The following BCL2L11 variants were observed in gnomAD, a reference collection of about 807,000 sequenced individuals.
The protein encoded by BCL2L11 is bcl-2-like protein 11.
BCL2L11 carries 15 observed loss-of-function variants against 20.6 expected under a neutral mutation model. The observed-to-expected ratio is 0.73, with a 90% CI of 0.49 to 1.12. BCL2L11 has a LOEUF of 1.12. BCL2L11 is among the 50% of genes most tolerant of loss of function. The pLI is 0.00. For synonymous variants in BCL2L11, 108 were observed against 92.8 expected (o/e 1.16, Z -0.94); for missense variants, 292 against 260.9 (o/e 1.12, Z -0.82).
At chr2:111,126,217 A>T (rs1412867952) in intron 2 of BCL2L11, among the ~76,000 whole-genome samples, 1 of 152,158 alleles carries the variant, frequency 6.6e-6, no homozygotes, top group Non-Finnish European at 1.5e-5. Flanking sequence ...ACAGGCACAA[A>T]TGCTTTTTTT....
chr2:111,132,632 A>G (rs987079132), intron 2 of BCL2L11, among the ~76,000 whole-genome samples: 21 of 152,226 alleles, frequency 1.4e-4, no homozygotes, highest in Admixed American at 1.4e-3. Flanking sequence ...GAATTTTTTC[A>G]TAAGGAATCT....
At chr2:111,128,699 GCCA>G in intron 2 of BCL2L11, 1 of 1,549,684 alleles carries the variant, frequency 6.5e-7, no homozygotes, top group Non-Finnish European at 8.7e-7. Flanking sequence ...GATTTGTATG[GCCA>G]CCACCATAGT....
At chr2:111,145,938 T>TTTTG in intron 2 of BCL2L11, 1 of 918,922 alleles carries the variant, frequency 1.1e-6, no homozygotes, top group Non-Finnish European at 1.3e-6. Flanking sequence ...TTTTTTTTTT[T>TTTTG]TTGTAACAAG....
At chr2:111,149,978 C>T (rs955920784) in intron 2 of BCL2L11, 66 bp from the exon 3 acceptor site, 12 of 1,439,494 alleles carry the variant, frequency 8.3e-6, no homozygotes, top group South Asian at 3.7e-5. Context: ...AGAGACTTAT[C>T]TTTGGAACTT....
chr2:111,129,544 G>C (rs966785550), intron 2 of BCL2L11, among the ~76,000 whole-genome samples: 1 of 152,148 alleles, frequency 6.6e-6, no homozygotes, highest in African/African-American at 2.4e-5. Context: ...GTAACATCTT[G>C]CCTAATTATA....
At chr2:111,146,576 C>T (rs1372125944) in intron 2 of BCL2L11, among the ~76,000 whole-genome samples, 1 of 152,158 alleles carries the variant, frequency 6.6e-6, no homozygotes, top group African/African-American at 2.4e-5. Context: ...GCAAAGCAAA[C>T]TGATGCTAAA....
intron 3 of BCL2L11, chr2:111,152,021 C>G (rs557165998): frequency 2.5e-6 from 2 of 796,184 alleles, no homozygotes; most frequent in African/African-American, 1.7e-5. Context: ...GTGGCTGTCT[C>G]TATTGACTAG....
At chr2:111,134,441 CT>C (rs1176285101) in intron 2 of BCL2L11, among the ~76,000 whole-genome samples, 1 of 152,104 alleles carries the variant, frequency 6.6e-6, no homozygotes, top group African/African-American at 2.4e-5. Context: ...AGAAACCTTA[CT>C]TTTCTTTAGG....
In BCL2L11 at chr2:111,130,996, G is replaced by T. The variant is rs1574957649; in HGVS notation, c.394+6857G>T. Among the ~76,000 whole-genome samples, 4 of 152,092 alleles carry T rather than the reference G, an allele frequency of 2.6e-5. No homozygotes were observed. In the South Asian group the frequency reaches 8.3e-4, roughly 32 times the overall value. On this transcript the variant is annotated intron_variant, in intron 2 of 3. Coordinates refer to ENST00000393256, the MANE Select transcript of BCL2L11 (RefSeq NM_138621.5). ...CTGTAATTCTTTTTGTGCACTGCTGGATTGAATTTGTCGATATTTTGTTGA... is the reference window on the plus strand; with the variant it reads ...CTGTAATTCTTTTTGTGCACTGCTGTATTGAATTTGTCGATATTTTGTTGA...
At chr2:111,123,641 A>G in intron 1 of BCL2L11, 92 bp from the exon 2 acceptor site, 1 of 1,264,662 alleles carries the variant, frequency 7.9e-7, no homozygotes, top group Non-Finnish European at 1.0e-6. Flanking sequence ...GATTAACCCT[A>G]AGAATTTTTA....
intron 1 of BCL2L11, among the ~76,000 whole-genome samples, chr2:111,121,978 C>A (rs568358030): frequency 6.6e-6 from 1 of 152,156 alleles, no homozygotes; most frequent in Non-Finnish European, 1.5e-5. Context: ...TGCAGGCTGG[C>A]GGCGCCGTGC....
chr2:111,121,483 G>A (rs2070899281), intron 1 of BCL2L11, among the ~76,000 whole-genome samples: 1 of 152,240 alleles, frequency 6.6e-6, no homozygotes, highest in Non-Finnish European at 1.5e-5. Flanking sequence ...CGGGCAGGAG[G>A]AGAGGCAGCG....
At chr2:111,124,777 A>G (rs1452620550) in intron 2 of BCL2L11, among the ~76,000 whole-genome samples, 1 of 152,230 alleles carries the variant, frequency 6.6e-6, no homozygotes, top group African/African-American at 2.4e-5. Context: ...CAAAAGTGTA[A>G]AGAAAGATGA....
chr2:111,162,412 C>T (rs1390235219), intron 3 of BCL2L11, among the ~76,000 whole-genome samples: 2 of 152,224 alleles, frequency 1.3e-5, no homozygotes, highest in Non-Finnish European at 2.9e-5. Flanking sequence ...CCCTCTCCAA[C>T]ATGTCTTTGA....
intron 2 of BCL2L11, among the ~76,000 whole-genome samples, chr2:111,140,580 A>C (rs1336737913): frequency 6.6e-6 from 1 of 152,186 alleles, no homozygotes; most frequent in Non-Finnish European, 1.5e-5. Context: ...TGAGTGAGTT[A>C]CTTTTCTGTG....
intron 2 of BCL2L11, chr2:111,130,384 G>GT (rs2073698839): frequency 4.8e-6 from 1 of 207,750 alleles, no homozygotes; most frequent in African/African-American, 2.4e-5. Context: ...GATTACAGGC[G>GT]TGAGCCACCA....
intron 2 of BCL2L11, among the ~76,000 whole-genome samples, chr2:111,127,281 A>T (rs1274232814): frequency 6.6e-6 from 1 of 152,156 alleles, no homozygotes; most frequent in African/African-American, 2.4e-5. Context: ...ACTAAAGTGT[A>T]GTCAGTACAA....
At chr2:111,134,171 T>C (rs1361128506) in intron 2 of BCL2L11, among the ~76,000 whole-genome samples, 1 of 152,082 alleles carries the variant, frequency 6.6e-6, no homozygotes, top group Non-Finnish European at 1.5e-5. Context: ...TAAGATAATA[T>C]ATGTAAGTCT....
rs1357434259 is a variant in BCL2L11 at position 111,167,697 on chromosome 2, T to TTTTCCCC, written c.*3467_*3473dup. 1 of 152,266 alleles carries TTTTCCCC rather than the reference T, an allele frequency of 6.6e-6. No homozygotes were observed. The highest frequency in any genetic ancestry group is 1.5e-5 in the Non-Finnish European group (1 of 68,114). 9.4% of individuals were successfully genotyped at this position (152,266 alleles called of 1,614,324 possible). A position where few individuals can be genotyped will look rare whatever the true frequency, so the allele number is the denominator to read the frequency against. Reference sequence around the variant, plus strand: ...TTGTGGACAACTGTGAGTAGCTGGGTTTTCCCCCACCTGCTGTGCAACTTC... The same window carrying TTTTCCCC: ...TTGTGGACAACTGTGAGTAGCTGGGTTTTCCCCTTTCCCCCACCTGCTGTGCAACTTC... On this transcript the variant is annotated 3_prime_UTR_variant, in exon 4 of 4. Coordinates refer to ENST00000393256, the MANE Select transcript of BCL2L11 (RefSeq NM_138621.5).
Sources: gnomAD v4.1 joint callset for allele counts (sites outside exome capture counted in the v4.1 genomes callset) on GRCh38, gnomAD v4.1.1 for gene constraint, MANE v1.5 for transcripts, NCBI Gene and HGNC (gene_info 2026-07-23, HGNC 2026-07-21) for gene names.